The following TOGARAM1 variants were observed in gnomAD, a reference collection of about 807,000 sequenced individuals.
The protein encoded by TOGARAM1 is TOG array regulator of axonemal microtubules 1.
In TOGARAM1, 100 loss-of-function variants were observed where a neutral mutation model predicts 166.6. That is an observed-to-expected ratio of 0.60 (90% CI 0.51 to 0.71). The LOEUF (loss-of-function observed/expected upper bound fraction) is 0.71. Ranked by LOEUF, TOGARAM1 falls within the 30% of genes least tolerant of loss-of-function variation. The pLI is 0.00. For synonymous variants in TOGARAM1, 758 were observed against 763.8 expected (o/e 0.99, Z 0.13); for missense variants, 2,029 against 2,102.7 (o/e 0.96, Z 0.69).
chr14:45,018,286 C>A (rs896532308), intron 7 of TOGARAM1, among the ~76,000 whole-genome samples: 2 of 151,886 alleles, frequency 1.3e-5, no homozygotes, highest in Admixed American at 6.6e-5. Context: ...GTTGCTCAGG[C>A]TAGAGAGCAG....
At chr14:45,027,239 G>A in intron 8 of TOGARAM1, 60 bp from the exon 9 acceptor site, 2 of 1,545,872 alleles carry the variant, frequency 1.3e-6, no homozygotes, top group Non-Finnish European at 8.8e-7. Flanking sequence ...CTTAAACTTT[G>A]TTGTCTAGAG....
intron 1 of TOGARAM1, among the ~76,000 whole-genome samples, chr14:44,978,767 A>G (rs1886355491): frequency 6.6e-6 from 1 of 151,766 alleles, no homozygotes; most frequent in Non-Finnish European, 1.5e-5. Context: ...GTCACTGCAC[A>G]CTAGCCTGGG....
At position 45,056,297 on chromosome 14, in the gene TOGARAM1, G is replaced by T. The variant is rs373758259; in HGVS notation, c.4559+1748G>T. 2.0e-3 allele frequency among the ~76,000 whole-genome samples: 300 copies of T among 152,160 alleles called. 2 individuals carry two copies. The highest frequency in any genetic ancestry group is 6.4e-3 in the African/African-American group (264 of 41,518). On this transcript the variant is annotated intron_variant, in intron 16 of 19. Coordinates refer to ENST00000361462, the MANE Select transcript of TOGARAM1 (RefSeq NM_001308120.2). The stretch of plus-strand genomic sequence containing the variant: ...TTGGTGGAGTCTTTGGGGTTTTCTA[G>T]ATATAAGATCATATCATCAGCAAAC...
intron 14 of TOGARAM1, 70 bp from the exon 15 acceptor site, chr14:45,052,366 G>A (rs1882415511): frequency 4.7e-6 from 6 of 1,279,212 alleles, no homozygotes; most frequent in Non-Finnish European, 6.5e-6. Flanking sequence ...TTGAAACAAT[G>A]CATCTAAGGT....
intron 1 of TOGARAM1, among the ~76,000 whole-genome samples, chr14:44,975,186 G>A (rs559826587): frequency 6.6e-6 from 1 of 152,128 alleles, no homozygotes; most frequent in East Asian, 1.9e-4. Context: ...CTTTGACACA[G>A]ATCAACTGAA....
In TOGARAM1 at chr14:44,963,931, G is replaced by A; in HGVS notation, c.1510G>A (p.Glu504Lys). ...CTGCTCCCTGCTGACCTATCCTAGT[G>A]AGGATTTTGACTTGCCCAAACTGTC... ...CICSLLTYPS[E>K]DFDLPKLSFD... The change falls in exon 1 of 20, where the codon GAG (glutamate) becomes AAG (lysine). Residue 504 changes from glutamate (E) to lysine (K), a missense_variant. Transcript: ENST00000361462. 1.2e-6 allele frequency: 2 copies of A among 1,614,022 alleles called. No individual in the cohort carries two copies. Among genetic ancestry groups the A allele is most frequent in the South Asian group, 1.1e-5 (1 of 91,078 alleles).
Position 45,066,575 on chromosome 14 carries a change from T to C in TOGARAM1, c.4560-3T>C, listed in dbSNP as rs1566676553. ...AATTACCTTCACCTTTCTTTCACTTTAGAGCTGTAACTGAAGTTCGTGAAG... is the reference window on the plus strand; with the variant it reads ...AATTACCTTCACCTTTCTTTCACTTCAGAGCTGTAACTGAAGTTCGTGAAG... On this transcript the variant is annotated splice_region_variant and splice_polypyrimidine_tract_variant and intron_variant, in intron 16 of 19. Coordinates refer to ENST00000361462, the MANE Select transcript of TOGARAM1 (RefSeq NM_001308120.2). The C allele has an allele frequency of 1.2e-6, 2 of 1,601,914 alleles. No individual in the cohort carries two copies. Among genetic ancestry groups the C allele is most frequent in the East Asian group, 2.2e-5 (1 of 44,692 alleles).
intron 1 of TOGARAM1, among the ~76,000 whole-genome samples, chr14:44,969,933 T>TTAC (rs1885790851): frequency 6.6e-6 from 1 of 152,232 alleles, no homozygotes; most frequent in Non-Finnish European, 1.5e-5. Flanking sequence ...ATTGTCTTGA[T>TTAC]TACTGTAGCT....
At chr14:45,047,095 A>G (rs1441866712) in intron 14 of TOGARAM1, among the ~76,000 whole-genome samples, 1 of 152,202 alleles carries the variant, frequency 6.6e-6, no homozygotes, top group Non-Finnish European at 1.5e-5. Context: ...GTACACATGA[A>G]AAATACAGGA....
chr14:45,072,294 T>C (rs1467293540), intron 19 of TOGARAM1, among the ~76,000 whole-genome samples: 2 of 152,154 alleles, frequency 1.3e-5, no homozygotes, highest in African/African-American at 2.4e-5. Flanking sequence ...TATTGCCCCA[T>C]ATGGTGAATG....
intron 5 of TOGARAM1, 132 bp downstream of exon 5, chr14:45,006,399 T>A: frequency 1.5e-6 from 1 of 665,040 alleles, no homozygotes; most frequent in Non-Finnish European, 2.4e-6. Context: ...TTATAGAAAA[T>A]GTGGAAAATA....
At chr14:45,017,377 C>T (rs1207012852) in intron 7 of TOGARAM1, among the ~76,000 whole-genome samples, 1 of 151,222 alleles carries the variant, frequency 6.6e-6, no homozygotes, top group East Asian at 1.9e-4. Context: ...CTTCTGCCCC[C>T]AGGAAATGCA....
chr14:44,990,357 G>C (rs1017166277), intron 1 of TOGARAM1, among the ~76,000 whole-genome samples: 2 of 152,192 alleles, frequency 1.3e-5, no homozygotes, highest in Non-Finnish European at 2.9e-5. Context: ...ATATCTTTGT[G>C]TATTATATTG....
rs557436797 is a variant in TOGARAM1, at chr14:44,977,842, G to T, written c.2046+13375G>T. Reference sequence around the variant, plus strand: ...TTTTGTATTTTTTAGTAGAGACAGGGTTTCACCATGTTGGCCAGGCTGGTC... The same window carrying T: ...TTTTGTATTTTTTAGTAGAGACAGGTTTTCACCATGTTGGCCAGGCTGGTC... On this transcript the variant is annotated intron_variant, in intron 1 of 19. Transcript: ENST00000361462. Among the ~76,000 whole-genome samples, 3 of 152,100 alleles carry T rather than the reference G, an allele frequency of 2.0e-5. No homozygotes were observed. The South Asian group carries it at 6.2e-4, about 32-fold the overall frequency.
intron 2 of TOGARAM1, among the ~76,000 whole-genome samples, chr14:44,998,450 C>G (rs754448113): frequency 3.9e-5 from 6 of 152,186 alleles, no homozygotes; most frequent in Non-Finnish European, 8.8e-5. Context: ...CGCTGTGGCT[C>G]ACGCCTGTAA....
chr14:45,016,059 A>AT (rs1332291281), intron 7 of TOGARAM1, among the ~76,000 whole-genome samples: 27 of 151,950 alleles, frequency 1.8e-4, no homozygotes, highest in African/African-American at 6.3e-4. Context: ...GATTAAAAAA[A>AT]ATTTTTTTTT....
chr14:45,001,561 AAAAC>A (rs1566623297), intron 3 of TOGARAM1, among the ~76,000 whole-genome samples: 2 of 152,204 alleles, frequency 1.3e-5, no homozygotes, highest in Non-Finnish European at 2.9e-5. Context: ...CAATAGCAAA[AAAAC>A]AAAAATACAA....
At chr14:44,992,656 C>T (rs1258480200) in intron 1 of TOGARAM1, among the ~76,000 whole-genome samples, 12 of 140,354 alleles carry the variant, frequency 8.5e-5, no homozygotes, top group Admixed American at 7.2e-4. Flanking sequence ...CTCCCTCTGC[C>T]TCCCAGGCTG....
chr14:44,999,042 T>C (rs757945403), intron 2 of TOGARAM1, among the ~76,000 whole-genome samples: 37 of 152,334 alleles, frequency 2.4e-4, no homozygotes, highest in African/African-American at 4.8e-5. Context: ...CTACAAATAC[T>C]GGGAAGAAAG....
Sources: allele counts gnomAD v4.1 joint callset (sites outside exome capture counted in the v4.1 genomes callset), GRCh38; gene constraint gnomAD v4.1.1; transcripts MANE v1.5; gene names NCBI Gene and HGNC (gene_info 2026-07-23, HGNC 2026-07-21).